EFCAB6: variants seen among roughly 807,000 people sequenced by gnomAD.
EFCAB6 encodes EF-hand calcium binding domain 6, also known as EF-hand calcium-binding domain-containing protein 6.
EFCAB6 carries 156 observed loss-of-function variants against 169.8 expected under a neutral mutation model. The ratio of observed to expected loss-of-function variants is 0.92; its 90% CI spans 0.81 to 1.05. EFCAB6 has a LOEUF of 1.05. Ranked by LOEUF, EFCAB6 falls within the 50% of genes least tolerant of loss-of-function variation. The pLI, the probability that EFCAB6 is intolerant of heterozygous loss-of-function variation, is 0.00. For synonymous variants in EFCAB6, 698 were observed against 676.4 expected (o/e 1.03, Z -0.50); for missense variants, 1,800 against 1,829.1 (o/e 0.98, Z 0.29).
Position 43,534,804 on chromosome 22 carries a change from A to C in EFCAB6, c.4117T>G (p.Leu1373Val), listed in dbSNP as rs1253194726. ...TATGCAAATTTCCCGTTGCTCTTTA[A>C]GTCGTATTTTATAATGAGCTGCTGA... ...ECQQLIIKYDLKSNGKFAYCD... is the reference protein window; with the variant it reads ...ECQQLIIKYDVKSNGKFAYCD... Residue 1373 changes from leucine to valine, a missense_variant, in exon 30 of 32, where the codon TTA becomes GTA. Coordinates refer to ENST00000262726, the MANE Select transcript of EFCAB6 (RefSeq NM_022785.4). The C allele has an allele frequency of 6.2e-7, 1 of 1,614,012 alleles. No individual in the cohort carries two copies. Among genetic ancestry groups the C allele is most frequent in the Middle Eastern group, 1.6e-4 (1 of 6,062 alleles).
At chr22:43,643,212 A>G (rs1248096404) in intron 17 of EFCAB6, among the ~76,000 whole-genome samples, 1 of 152,382 alleles carries the variant, frequency 6.6e-6, no homozygotes, top group East Asian at 1.9e-4. Context: ...CAACAGAAGT[A>G]TGACCAACTC....
intron 17 of EFCAB6, among the ~76,000 whole-genome samples, chr22:43,642,236 C>T (rs929157381): frequency 3.3e-5 from 5 of 152,168 alleles, no homozygotes; most frequent in Non-Finnish European, 7.4e-5. Context: ...CCACCATTCC[C>T]GGCTGAGATT....
At chr22:43,692,751 C>G (rs2058453364) in intron 10 of EFCAB6, among the ~76,000 whole-genome samples, 1 of 151,698 alleles carries the variant, frequency 6.6e-6, no homozygotes, top group African/African-American at 2.4e-5. Context: ...TTATATAATA[C>G]TAGATGGTCT....
Position 43,678,031 on chromosome 22 carries a change from T to C in EFCAB6, c.1384A>G (p.Ser462Gly), listed in dbSNP as rs776402560. ...DPGDTGVVNT[S>G]MFIDLIEENC... is the part of the protein sequence containing the mutation. Reference sequence around the variant, plus strand: ...TCTTCAATCAGATCAATAAACATGCTGGTGTTGACCACTCCAGTGTCCCCA... The same window carrying C: ...TCTTCAATCAGATCAATAAACATGCCGGTGTTGACCACTCCAGTGTCCCCA... The change falls in exon 13 of 32, where the codon AGC (serine) becomes GGC (glycine). Residue 462 changes from serine to glycine, a missense_variant. Ser to Gly is a moderately conservative substitution (Grantham distance 56, BLOSUM62 0). Coordinates refer to ENST00000262726, the MANE Select transcript of EFCAB6 (RefSeq NM_022785.4). 6.8e-6 allele frequency: 11 copies of C among 1,613,830 alleles called. No individual in the cohort carries two copies. In the East Asian group the frequency reaches 2.5e-4, roughly 36 times the overall value.
intron 26 of EFCAB6, among the ~76,000 whole-genome samples, chr22:43,574,292 C>T (rs1020877953): frequency 2.0e-5 from 3 of 152,088 alleles, no homozygotes; most frequent in Admixed American, 6.5e-5. Context: ...GTCATCTCCA[C>T]CATGTAAAAA....
intron 6 of EFCAB6, among the ~76,000 whole-genome samples, chr22:43,738,369 T>A (rs1009527171): frequency 5.7e-5 from 4 of 70,506 alleles, no homozygotes; most frequent in Non-Finnish European, 1.2e-4. Context: ...ATCAATCACA[T>A]ACACATATAT....
intron 7 of EFCAB6, among the ~76,000 whole-genome samples, chr22:43,733,482 A>G (rs1419523002): frequency 6.6e-6 from 1 of 152,128 alleles, no homozygotes; most frequent in African/African-American, 2.4e-5. Context: ...CTGATTAAGT[A>G]TGGGGCTTGG....
At chr22:43,598,326 A>ACAAAC (rs772453314) in intron 23 of EFCAB6, among the ~76,000 whole-genome samples, 1,559 of 148,656 alleles carry the variant, frequency 0.01, 47 homozygotes, top group South Asian at 0.016. Flanking sequence ...AAAAAAAAAA[A>ACAAAC]AAAAAAAAAA....
At chr22:43,554,833 C>T (rs778760170) in intron 27 of EFCAB6, 36 bp downstream of exon 27, 41 of 1,583,264 alleles carry the variant, frequency 2.6e-5, no homozygotes, top group African/African-American at 5.4e-5. Context: ...GCTCAGCCAA[C>T]GGTGTGCAGG....
At chr22:43,730,840 G>C (rs1183506689) in intron 8 of EFCAB6, among the ~76,000 whole-genome samples, 1 of 152,200 alleles carries the variant, frequency 6.6e-6, no homozygotes, top group Non-Finnish European at 1.5e-5. Context: ...TCTGCTCTAA[G>C]CAAGCTTGGT....
intron 17 of EFCAB6, among the ~76,000 whole-genome samples, chr22:43,645,950 C>T (rs1014028887): frequency 1.3e-5 from 2 of 152,150 alleles, no homozygotes. Context: ...AATGCATTGA[C>T]CAGACATGTC....
At chr22:43,727,879 C>T (rs978776384) in intron 8 of EFCAB6, among the ~76,000 whole-genome samples, 1 of 151,868 alleles carries the variant, frequency 6.6e-6, no homozygotes, top group African/African-American at 2.4e-5. Flanking sequence ...ATCTGCTCGG[C>T]TTCAAGAAGT....
At chr22:43,587,719 C>G (rs2051172347) in intron 24 of EFCAB6, among the ~76,000 whole-genome samples, 1 of 152,170 alleles carries the variant, frequency 6.6e-6, no homozygotes, top group Non-Finnish European at 1.5e-5. Context: ...CTATAAAGAT[C>G]CTTTTTCCAA....
intron 2 of EFCAB6, 139 bp from the exon 3 acceptor site, chr22:43,782,464 G>T: frequency 1.4e-6 from 1 of 698,932 alleles, no homozygotes; most frequent in Non-Finnish European, 2.3e-6. Flanking sequence ...CTTTGCTGAT[G>T]TTTCAGACTA....
At chr22:43,562,168 G>T (rs118101465) in intron 26 of EFCAB6, among the ~76,000 whole-genome samples, 1 of 152,316 alleles carries the variant, frequency 6.6e-6, no homozygotes, top group East Asian at 1.9e-4. Flanking sequence ...AGTATTCAAA[G>T]ATATTCATGG....
At chr22:43,535,574 T>G (rs1387002663) in intron 29 of EFCAB6, 1 of 152,214 alleles carries the variant, frequency 6.6e-6, no homozygotes, top group Non-Finnish European at 1.5e-5. Flanking sequence ...TTGGCACTCA[T>G]CCTCATGCCG....
intron 26 of EFCAB6, among the ~76,000 whole-genome samples, chr22:43,573,736 A>G (rs1243876045): frequency 5.3e-5 from 8 of 150,390 alleles, no homozygotes; most frequent in Admixed American, 6.6e-5. Flanking sequence ...TCTCAACAAA[A>G]AAAAAAAAAA....
chr22:43,784,498 A>T (rs868426270), intron 2 of EFCAB6, among the ~76,000 whole-genome samples: 1,395 of 97,720 alleles, frequency 0.014, 51 homozygotes, highest in Non-Finnish European at 0.023. Flanking sequence ...CAAAAAAAAA[A>T]AAAAATATAT....
intron 12 of EFCAB6, among the ~76,000 whole-genome samples, chr22:43,680,551 T>C (rs1248966912): frequency 6.6e-6 from 1 of 152,176 alleles, no homozygotes; most frequent in Non-Finnish European, 1.5e-5. Context: ...TGGAGAGAAC[T>C]GTCATCTTAA....
Sources: allele counts gnomAD v4.1 joint callset (sites outside exome capture counted in the v4.1 genomes callset), GRCh38; gene constraint gnomAD v4.1.1; transcripts MANE v1.5; gene names NCBI Gene and HGNC (gene_info 2026-07-23, HGNC 2026-07-21).